The following RP1 variants were observed in gnomAD, a reference collection of about 807,000 sequenced individuals.
RP1 encodes RP1 axonemal microtubule associated.
In RP1, 16 loss-of-function variants were observed where a neutral mutation model predicts 14.8. The observed-to-expected ratio is 1.08, with a 90% CI of 0.73 to 1.65. The LOEUF is 1.65. RP1 is among the 40% of genes most tolerant of loss of function. The probability of loss-of-function intolerance (pLI) is 0.00; values close to 1 mark genes in which losing one functional copy is unlikely to be tolerated. For missense variants in RP1, 2,631 were observed against 2,535.0 expected (o/e 1.04, Z -0.81); for synonymous variants, 876 against 883.6 (o/e 0.99, Z 0.15).
intron 1 of RP1, among the ~76,000 whole-genome samples, chr8:54,588,130 T>G (rs1185875304): frequency 6.6e-6 from 1 of 152,160 alleles, no homozygotes; most frequent in Non-Finnish European, 1.5e-5. Context: ...TAACTGCAAA[T>G]TATGGTGCAT....
chr8:54,756,679 G>T (rs1403669586), intron 21 of RP1, among the ~76,000 whole-genome samples: 1 of 152,160 alleles, frequency 6.6e-6, no homozygotes, highest in Non-Finnish European at 1.5e-5. Context: ...TAAGTGATCA[G>T]CGAAGTGATC....
intron 16 of RP1, chr8:54,726,232 T>G (rs1165239370): frequency 8.3e-7 from 1 of 1,209,858 alleles, no homozygotes; most frequent in African/African-American, 1.5e-5. Flanking sequence ...GACTAGGCAT[T>G]GAAATGGAAA....
At position 54,627,851 on chromosome 8, in the gene RP1, T is replaced by C; in HGVS notation, c.3969T>C (p.Tyr1323=). 1.2e-6 allele frequency: 2 copies of C among 1,614,154 alleles called. No individual in the cohort carries two copies. The highest frequency in any genetic ancestry group is 1.7e-6 in the Non-Finnish European group (2 of 1,179,978). Residue 1323 remains tyrosine (Y), a synonymous_variant, in exon 4 of 4, where the codon TAT becomes TAC. Coordinates refer to ENST00000220676, the MANE Select transcript of RP1 (RefSeq NM_006269.2). ...GTGCTCAAAAGGAGAACCATACCTA[T>C]GAGGGAGCTTGCCCAATTGATGAGA... ...KACAQKENHT[Y]EGACPIDETY...
chr8:54,765,355 G>A (rs1174310321), intron 22 of RP1, among the ~76,000 whole-genome samples: 2 of 152,218 alleles, frequency 1.3e-5, no homozygotes, highest in African/African-American at 4.8e-5. Flanking sequence ...TAGTGAATTA[G>A]TTAGTAAATC....
chr8:54,776,735 C>G (rs568597638), intron 23 of RP1, among the ~76,000 whole-genome samples: 25 of 152,246 alleles, frequency 1.6e-4, no homozygotes, highest in African/African-American at 5.5e-4. Flanking sequence ...CAAGGCTGAG[C>G]TGCTAGAATC....
intron 1 of RP1, among the ~76,000 whole-genome samples, chr8:54,605,733 T>C (rs1412435332): frequency 6.6e-6 from 1 of 152,226 alleles, no homozygotes; most frequent in East Asian, 1.9e-4. Flanking sequence ...CTGTATTCGG[T>C]GCTTATATAT....
intron 3 of RP1, among the ~76,000 whole-genome samples, chr8:54,640,065 T>A (rs1806426283): frequency 6.6e-6 from 1 of 151,948 alleles, no homozygotes; most frequent in South Asian, 2.1e-4. Flanking sequence ...CTTTTAGGAG[T>A]TTCATCATTT....
At chr8:54,565,864 T>G (rs1804393534) in intron 1 of RP1, among the ~76,000 whole-genome samples, 1 of 152,172 alleles carries the variant, frequency 6.6e-6, no homozygotes, top group African/African-American at 2.4e-5. Flanking sequence ...ATGGCTGAGA[T>G]GAAGGTGTCA....
intron 25 of RP1, among the ~76,000 whole-genome samples, chr8:54,849,004 C>T (rs1258464560): frequency 6.6e-6 from 1 of 152,192 alleles, no homozygotes; most frequent in Non-Finnish European, 1.5e-5. Flanking sequence ...CCACCTCGGC[C>T]TCCCAAAGTC....
chr8:54,650,894 T>C (rs1335889271), intron 4 of RP1, among the ~76,000 whole-genome samples: 1 of 152,032 alleles, frequency 6.6e-6, no homozygotes, highest in Non-Finnish European at 1.5e-5. Flanking sequence ...GAGTAGGACG[T>C]TATCTGTGGG....
Position 54,720,156 on chromosome 8 carries a change from A to T in RP1, c.2239A>T (p.Lys747Ter). The T allele has an allele frequency of 1.3e-6, 2 of 1,534,922 alleles. No homozygotes were observed. Among genetic ancestry groups the T allele is most frequent in the Non-Finnish European group, 1.7e-6 (2 of 1,146,420 alleles). ...TACAGGAGATGTTGACTGTCATTTT[A>T]AAATTAAGAAGAACTTGAAGAATGC... The change falls in exon 16 of 23, where the codon AAA (lysine) becomes TAA (stop). Residue 747 changes from lysine (K) to a stop codon, truncating the protein, a stop_gained. Coordinates refer to the RP1 transcript ENST00000636932. LOFTEE classifies it high-confidence loss of function.
At chr8:54,663,930 C>A in intron 7 of RP1, 1 of 1,291,584 alleles carries the variant, frequency 7.7e-7, no homozygotes, top group South Asian at 1.8e-5. Context: ...TGTAACTATT[C>A]TAAGAGTTTT....
At chr8:54,712,952 G>A (rs1363652827) in intron 15 of RP1, among the ~76,000 whole-genome samples, 1 of 152,154 alleles carries the variant, frequency 6.6e-6, no homozygotes, top group Non-Finnish European at 1.5e-5. Context: ...AGAGGCTATG[G>A]TAAGGCATGC....
upstream of RP1, among the ~76,000 whole-genome samples, chr8:54,612,301 A>G (rs1247875217): frequency 6.6e-6 from 1 of 151,952 alleles, no homozygotes; most frequent in East Asian, 1.9e-4. Flanking sequence ...CTTATTTCTC[A>G]CTCTGGATCC....
At chr8:54,681,423 GA>G (rs1195885680) in intron 12 of RP1, among the ~76,000 whole-genome samples, 1 of 151,858 alleles carries the variant, frequency 6.6e-6, no homozygotes, top group Non-Finnish European at 1.5e-5. Context: ...TACATTAAAA[GA>G]GAGAAATTTG....
intron 25 of RP1, among the ~76,000 whole-genome samples, chr8:54,842,477 G>C (rs1811810675): frequency 6.6e-6 from 1 of 152,168 alleles, no homozygotes; most frequent in Admixed American, 6.5e-5. Flanking sequence ...CTCCTGTGGG[G>C]TTTCCACCAG....
intron 24 of RP1, among the ~76,000 whole-genome samples, chr8:54,817,169 G>A (rs145314873): frequency 1.3e-5 from 2 of 152,202 alleles, no homozygotes; most frequent in African/African-American, 4.8e-5. Context: ...CATATGGATA[G>A]GTGCCCTATT....
At chr8:54,840,451 C>T (rs1811765284) in intron 25 of RP1, among the ~76,000 whole-genome samples, 1 of 151,934 alleles carries the variant, frequency 6.6e-6, no homozygotes, top group African/African-American at 2.4e-5. Context: ...TAGGGTTTCA[C>T]CATGTAGGCC....
chr8:54,858,423 T>A (rs926712876), intron 27 of RP1, among the ~76,000 whole-genome samples: 1 of 152,036 alleles, frequency 6.6e-6, no homozygotes, highest in African/African-American at 2.4e-5. Flanking sequence ...TAGAGTGATG[T>A]TACTGCAGAG....
Sources: gnomAD v4.1 joint callset for allele counts (sites outside exome capture counted in the v4.1 genomes callset) on GRCh38, gnomAD v4.1.1 for gene constraint, MANE v1.5 for transcripts, NCBI Gene and HGNC (gene_info 2026-07-23, HGNC 2026-07-21) for gene names.